Variants in SLC44A3 observed in about 807,000 individuals in gnomAD.
SLC44A3 encodes choline transporter-like protein 3.
A neutral mutation model predicts 75.4 loss-of-function variants in SLC44A3; 74 were observed. The ratio of observed to expected loss-of-function variants is 0.98; its 90% CI spans 0.81 to 1.19. The LOEUF is 1.19. Ranked by LOEUF, SLC44A3 falls within the 50% of genes most tolerant of loss-of-function variation. SLC44A3 has a pLI of 0.00. For synonymous variants in SLC44A3, 310 were observed against 296.9 expected (o/e 1.04, Z -0.45); for missense variants, 700 against 778.6 (o/e 0.90, Z 1.20).
At chr1:94,881,695 C>G (rs1456228973) in intron 12 of SLC44A3, among the ~76,000 whole-genome samples, 1 of 146,078 alleles carries the variant, frequency 6.8e-6, no homozygotes, top group Non-Finnish European at 1.5e-5. Context: ...CAGAGCAAGA[C>G]TCCGTCTCAA....
chr1:94,846,535 G>C (rs565417986), intron 9 of SLC44A3, among the ~76,000 whole-genome samples: 1 of 152,344 alleles, frequency 6.6e-6, no homozygotes, highest in African/African-American at 2.4e-5. Context: ...GGAAGAAACT[G>C]TCAGCTGAGA....
At chr1:94,848,739 A>C (rs1479266659) in intron 9 of SLC44A3, among the ~76,000 whole-genome samples, 1 of 152,218 alleles carries the variant, frequency 6.6e-6, no homozygotes, top group Admixed American at 6.5e-5. Context: ...ATAGTCAAGC[A>C]GGATGGTCCA....
In SLC44A3 at chr1:94,820,418, C is replaced by T; in HGVS notation, c.-34C>T. The T allele has an allele frequency of 1.4e-6, 2 of 1,450,488 alleles. No homozygotes were observed. The highest frequency in any genetic ancestry group is 1.8e-6 in the Non-Finnish European group (2 of 1,105,012). The allele number at this position is 1,450,488 out of a possible 1,614,324, so 89.9% of individuals were successfully genotyped here. A position where few individuals can be genotyped will look rare whatever the true frequency, so the allele number is the denominator to read the frequency against. On this transcript the variant is annotated 5_prime_UTR_variant, in exon 1 of 15. Transcript: ENST00000271227. ...CTCCGCGTACAGGAGGCGGCGGCGG[C>T]TCCCAGTCACCGGCCCCCGCCGGCG...
rs190129856 is a variant in SLC44A3 at position 94,870,329 on chromosome 1, A to C, written c.1482+2912A>C. 5.3e-4 allele frequency among the ~76,000 whole-genome samples: 80 copies of C among 152,378 alleles called. No homozygotes were observed. In the Middle Eastern group the frequency reaches 0.01, roughly 19 times the overall value. ...ATACAGAGTCATTACTGTATAGTGC[A>C]AAAGGCAAGCCTCCAAGAAATTGAC... On this transcript the variant is annotated intron_variant, in intron 12 of 14. Transcript: ENST00000271227.
chr1:94,826,975 G>T (rs551527671), intron 3 of SLC44A3, among the ~76,000 whole-genome samples: 1 of 152,148 alleles, frequency 6.6e-6, no homozygotes, highest in South Asian at 2.1e-4. Context: ...CCTCTGCCCT[G>T]CCCCTGGGGA....
At chr1:94,836,908 C>T in intron 5 of SLC44A3, 1 of 79,096 alleles carries the variant, frequency 1.3e-5, no homozygotes, top group East Asian at 4.2e-4. Flanking sequence ...CAGAACCTGT[C>T]TCAACAAAAA....
rs548539893 is a variant in SLC44A3, at chr1:94,883,113, C to T, written c.1483-8017C>T. ...GAACCGCATCTGTGAGTGGAGGAAC[C>T]GCAAGGGCCTTCCAGGATGGTGTGA... On this transcript the variant is annotated intron_variant, in intron 12 of 14. Transcript: ENST00000271227. Among the ~76,000 whole-genome samples the T allele has an allele frequency of 4.0e-5, 6 of 151,404 alleles. No individual in the cohort carries two copies. The East Asian group carries it at 9.7e-4, about 25-fold the overall frequency.
chr1:94,854,660 G>A (rs1444679395), intron 9 of SLC44A3, among the ~76,000 whole-genome samples: 2 of 152,186 alleles, frequency 1.3e-5, no homozygotes, highest in Non-Finnish European at 2.9e-5. Context: ...CCTGTTTCCC[G>A]GCTTTCGCCC....
At chr1:94,851,234 C>T (rs1237665734) in intron 9 of SLC44A3, among the ~76,000 whole-genome samples, 1 of 152,138 alleles carries the variant, frequency 6.6e-6, no homozygotes, top group Admixed American at 6.6e-5. Flanking sequence ...GATATTTCTC[C>T]TCCATTTTTT....
At chr1:94,876,555 G>C (rs1668310095) in intron 12 of SLC44A3, among the ~76,000 whole-genome samples, 1 of 152,124 alleles carries the variant, frequency 6.6e-6, no homozygotes, top group Admixed American at 6.5e-5. Flanking sequence ...TTCATAAAAA[G>C]AAAAAAGCAT....
At chr1:94,849,853 C>T (rs1388473038) in intron 9 of SLC44A3, among the ~76,000 whole-genome samples, 1 of 152,192 alleles carries the variant, frequency 6.6e-6, no homozygotes, top group Non-Finnish European at 1.5e-5. Flanking sequence ...CGGGCTCAAG[C>T]GATCCTCCCA....
At chr1:94,841,265 G>C (rs79431168) in intron 7 of SLC44A3, among the ~76,000 whole-genome samples, 1,875 of 152,264 alleles carry the variant, frequency 0.012, 41 homozygotes, top group African/African-American at 0.044. Flanking sequence ...GTCCATTGTT[G>C]ATCAAAATGT....
Position 94,884,023 on chromosome 1 carries a change from C to G in SLC44A3, c.1483-7107C>G, listed in dbSNP as rs186228416. ...CAGTGGCCTTCTTGCTTCTTTGTCT[C>G]TGTGTTGTTTGATTTTTTTAAGATT... is the stretch of plus-strand genomic sequence containing the variant. On this transcript the variant is annotated intron_variant, in intron 12 of 14. Transcript: ENST00000271227. Among the ~76,000 whole-genome samples the G allele has an allele frequency of 3.9e-4, 19 of 48,174 alleles. No homozygotes were observed. The East Asian group carries it at 0.012, about 30-fold the overall frequency. The allele number at this position is 48,174 out of a possible 152,430, so 31.6% of individuals were successfully genotyped here.
At chr1:94,830,011 A>G (rs914612581) in intron 5 of SLC44A3, among the ~76,000 whole-genome samples, 6 of 152,230 alleles carry the variant, frequency 3.9e-5, no homozygotes, top group Non-Finnish European at 7.3e-5. Context: ...TCATAGTCTT[A>G]TAACTGGTTG....
At chr1:94,842,192 T>G in intron 8 of SLC44A3, 68 bp downstream of exon 8, 1 of 1,494,602 alleles carries the variant, frequency 6.7e-7, no homozygotes, top group Non-Finnish European at 8.9e-7. Context: ...ATCATTGAAT[T>G]CTAGCCAAAA....
chr1:94,846,602 C>T (rs1484639979), intron 9 of SLC44A3, among the ~76,000 whole-genome samples: 2 of 152,232 alleles, frequency 1.3e-5, no homozygotes, highest in African/African-American at 4.8e-5. Flanking sequence ...TTTTATCTTA[C>T]TAACAATGTG....
chr1:94,859,475 G>A (rs1261365249), intron 10 of SLC44A3, among the ~76,000 whole-genome samples: 2 of 152,194 alleles, frequency 1.3e-5, no homozygotes, highest in Non-Finnish European at 2.9e-5. Flanking sequence ...CAGCCTGTCC[G>A]TGTGTGTTGG....
Position 94,827,492 on chromosome 1 carries a change from T to A in SLC44A3, c.279-15T>A, listed in dbSNP as rs1184075455. 2.5e-6 allele frequency: 4 copies of A among 1,614,052 alleles called. No individual in the cohort carries two copies. The highest frequency in any genetic ancestry group is 3.4e-6 in the Non-Finnish European group (4 of 1,180,004). On this transcript the variant is annotated splice_polypyrimidine_tract_variant and intron_variant, in intron 3 of 14. Transcript: ENST00000271227. ...CAATGCTCTAACACATTCTTCTGTT[T>A]CATCTATTTCCTAGACACGTGTTCT...
chr1:94,874,334 C>G (rs1391114534), intron 12 of SLC44A3, among the ~76,000 whole-genome samples: 4 of 152,168 alleles, frequency 2.6e-5, no homozygotes, highest in Non-Finnish European at 5.9e-5. Context: ...GAGCCTAGCT[C>G]CCACCTGCTG....
Sources: allele counts gnomAD v4.1 joint callset (sites outside exome capture counted in the v4.1 genomes callset), GRCh38; gene constraint gnomAD v4.1.1; transcripts MANE v1.5; gene names NCBI Gene and HGNC (gene_info 2026-07-23, HGNC 2026-07-21).